The following ARHGAP32 variants were observed in gnomAD, a reference collection of about 807,000 sequenced individuals.
The protein encoded by ARHGAP32 is rho GTPase-activating protein 32.
Under a neutral mutation model 186.5 loss-of-function variants are expected in ARHGAP32, and 51 were observed. The observed-to-expected ratio is 0.27, with a 90% CI of 0.22 to 0.35. The LOEUF (loss-of-function observed/expected upper bound fraction) is 0.35, where lower values mean the gene tolerates loss of function less well. Ranked by LOEUF, ARHGAP32 falls within the 10% of genes least tolerant of loss-of-function variation. The pLI, the probability that ARHGAP32 is intolerant of heterozygous loss-of-function variation, is 1.00. For synonymous variants in ARHGAP32, 950 were observed against 964.3 expected, an observed-to-expected ratio of 0.99 and a Z score of 0.27; for missense variants, 2,186 against 2,623.5, an observed-to-expected ratio of 0.83 and a Z score of 3.64.
At chr11:129,114,049 C>G (rs984041972) in intron 5 of ARHGAP32, among the ~76,000 whole-genome samples, 1 of 152,050 alleles carries the variant, frequency 6.6e-6, no homozygotes, top group Non-Finnish European at 1.5e-5. Flanking sequence ...CTCCCCACTG[C>G]TAATTCCCTG....
At chr11:129,027,624 C>T (rs1938917769) in intron 11 of ARHGAP32, among the ~76,000 whole-genome samples, 1 of 152,174 alleles carries the variant, frequency 6.6e-6, no homozygotes, top group African/African-American at 2.4e-5. Flanking sequence ...CTCCTCATCT[C>T]CTTCAGGTCT....
intron 1 of ARHGAP32, among the ~76,000 whole-genome samples, chr11:129,277,778 T>C (rs568661113): frequency 4.6e-5 from 7 of 152,280 alleles, no homozygotes; most frequent in African/African-American, 1.7e-4. Context: ...AACATCCTAA[T>C]GCCTCATCTT....
chr11:129,190,407 T>C (rs74333562), intron 1 of ARHGAP32, among the ~76,000 whole-genome samples: 3,058 of 152,256 alleles, frequency 0.02, 47 homozygotes, highest in Non-Finnish European at 0.029. Context: ...AAAGATATAA[T>C]TGATTTAGGA....
intron 9 of ARHGAP32, 141 bp from the exon 10 acceptor site, chr11:129,062,498 T>G (rs935771174): frequency 4.9e-5 from 28 of 567,728 alleles, no homozygotes; most frequent in African/African-American, 4.8e-4. Context: ...AAAGTACCAT[T>G]TCTTTTTAAA....
At chr11:129,058,923 T>C (rs1395704878) in intron 10 of ARHGAP32, among the ~76,000 whole-genome samples, 1 of 152,206 alleles carries the variant, frequency 6.6e-6, no homozygotes, top group African/African-American at 2.4e-5. Context: ...GGGGACATCA[T>C]GAACAGTCTG....
At chr11:128,988,173 A>C in intron 12 of ARHGAP32, 48 bp from the exon 13 acceptor site, 1 of 1,398,246 alleles carries the variant, frequency 7.2e-7, no homozygotes, top group Middle Eastern at 1.8e-4. Context: ...TATTCACTGG[A>C]ACCAAAGTTG....
At position 128,974,129 on chromosome 11, in the gene ARHGAP32, T is replaced by C. The variant is rs750284881; in HGVS notation, c.3068A>G (p.Gln1023Arg). Residue 1023 changes from glutamine to arginine, a missense_variant, in exon 21 of 23, where the codon CAG (glutamine) becomes CGG (arginine). Coordinates refer to ENST00000682385, the MANE Select transcript of ARHGAP32 (RefSeq NM_001378024.1). ...TGGAGGAAAACAAACGGTACCTGTCTGAGTCTGTCCAGAAGCTACAGCCTT... is the reference window on the plus strand; with the variant it reads ...TGGAGGAAAACAAACGGTACCTGTCCGAGTCTGTCCAGAAGCTACAGCCTT... ...QSKAVASGQT[Q>R]TGAVTHDPPQ... 1 of 1,614,150 alleles carries C rather than the reference T, an allele frequency of 6.2e-7. No homozygotes were observed. The highest frequency in any genetic ancestry group is 8.5e-7 in the Non-Finnish European group (1 of 1,180,012).
rs972369538 is a variant in ARHGAP32, at chr11:128,969,213, A to T, written c.6000T>A (p.Ser2000Arg). ...GGGTATGATGGAGTTTGAGGCTATG[A>T]CTCCTCTCTGGTTTAGGGGGTGGGA... ...SIVPPPKPERSHSLKLHHTQN... is the reference protein window; with the variant it reads ...SIVPPPKPERRHSLKLHHTQN... Residue 2000 changes from serine to arginine, a missense_variant, in exon 23 of 23, where the codon AGT becomes AGA. Transcript: ENST00000682385. The surrounding 1 kb of genome is among the most constrained non-coding windows in gnomAD (Gnocchi z 4.8). 6 of 1,613,278 alleles carry T rather than the reference A, an allele frequency of 3.7e-6. No individual in the cohort carries two copies. The highest frequency in any genetic ancestry group is 1.3e-5 in the African/African-American group (1 of 74,678).
At chr11:129,178,218 A>G (rs1375958973) in intron 1 of ARHGAP32, among the ~76,000 whole-genome samples, 1 of 152,124 alleles carries the variant, frequency 6.6e-6, no homozygotes, top group Non-Finnish European at 1.5e-5. Flanking sequence ...TAAAATACCT[A>G]GGAATCCAAC....
intron 1 of ARHGAP32, among the ~76,000 whole-genome samples, chr11:129,264,074 C>T (rs936625330): frequency 6.6e-6 from 1 of 152,202 alleles, no homozygotes; most frequent in Non-Finnish European, 1.5e-5. Flanking sequence ...GAAGGAAATC[C>T]TTCCGCATGC....
In ARHGAP32 at chr11:128,974,444, G is replaced by A. The variant is rs547435804; in HGVS notation, c.2753C>T (p.Ser918Phe). 6.2e-7 allele frequency: 1 copy of A among 1,614,206 alleles called. No homozygotes were observed. Among genetic ancestry groups the A allele is most frequent in the African/African-American group, 1.3e-5 (1 of 75,050 alleles). The change falls in exon 21 of 23, where the codon TCT becomes TTT. Residue 918 changes from serine (S) to phenylalanine (F), a missense_variant. Coordinates refer to ENST00000682385, the MANE Select transcript of ARHGAP32 (RefSeq NM_001378024.1). The part of the protein sequence containing the change: ...KIGRKLSKSP[S>F]MSISEPISVT... The stretch of plus-strand genomic sequence containing the variant: ...TGAAATTGGCTCAGATATGCTCATA[G>A]AAGGTGATTTGCTTAATTTCCGTCC...
rs2136049174 is a variant in ARHGAP32, at chr11:128,966,943, G to C, written c.*1964C>G. ...GCACCCAGGGTGTTTTTGTGCCAAA[G>C]GGAAGTATCCTATCAGGTTTCCTAG... On this transcript the variant is annotated 3_prime_UTR_variant, in exon 23 of 23. Transcript: ENST00000682385. 2.0e-5 allele frequency: 3 copies of C among 152,316 alleles called. 1 individual carries two copies. The South Asian group carries it at 6.2e-4, about 32-fold the overall frequency. 9.4% of individuals were successfully genotyped at this position (152,316 alleles called of 1,614,324 possible).
Position 129,256,087 on chromosome 11 carries a change from A to G in ARHGAP32, c.-5+23059T>C, listed in dbSNP as rs1023543289. On this transcript the variant is annotated intron_variant, in intron 1 of 6. Transcript: ENST00000525234. ...AGCAAAAGACACCAGAGACAAAAGA[A>G]TATGTTCTGCGCAATTCCAGCATAT... 2.6e-5 allele frequency among the ~76,000 whole-genome samples: 4 copies of G among 152,136 alleles called. No homozygotes were observed. The East Asian group carries it at 5.8e-4, about 22-fold the overall frequency.
intron 1 of ARHGAP32, among the ~76,000 whole-genome samples, chr11:129,275,578 C>T (rs1228215559): frequency 6.6e-6 from 1 of 152,108 alleles, no homozygotes; most frequent in Non-Finnish European, 1.5e-5. Context: ...AAAGTTAAGT[C>T]CTAAATCGGG....
At chr11:129,272,578 G>A (rs1214489799) in intron 1 of ARHGAP32, among the ~76,000 whole-genome samples, 1 of 152,222 alleles carries the variant, frequency 6.6e-6, no homozygotes, top group Non-Finnish European at 1.5e-5. Context: ...GGGCCAACAT[G>A]TGCCCAGATA....
intron 1 of ARHGAP32, among the ~76,000 whole-genome samples, chr11:129,213,057 CACAAAAACTT>C (rs1944600680): frequency 6.6e-6 from 1 of 152,042 alleles, no homozygotes; most frequent in Non-Finnish European, 1.5e-5. Context: ...TTCTCCAAAC[CACAAAAACTT>C]ATCTTTCATA....
At chr11:129,079,089 A>C (rs1941142816) in intron 6 of ARHGAP32, among the ~76,000 whole-genome samples, 1 of 152,178 alleles carries the variant, frequency 6.6e-6, no homozygotes. Context: ...AAAATGAACA[A>C]AGCCTTCAAG....
At chr11:129,068,638 T>C (rs896757404) in intron 6 of ARHGAP32, among the ~76,000 whole-genome samples, 9 of 152,088 alleles carry the variant, frequency 5.9e-5, no homozygotes, top group Non-Finnish European at 1.0e-4. Flanking sequence ...TTACATTCCC[T>C]TGATTATGAG....
chr11:128,989,797 G>A (rs1291506206), intron 12 of ARHGAP32, among the ~76,000 whole-genome samples: 1 of 151,670 alleles, frequency 6.6e-6, no homozygotes, highest in African/African-American at 2.4e-5. Flanking sequence ...ACTTATGAGT[G>A]AGAACATGTG....
Sources: allele counts gnomAD v4.1 joint callset (sites outside exome capture counted in the v4.1 genomes callset), GRCh38; gene constraint gnomAD v4.1.1; non-coding constraint Gnocchi (gnomAD v3.1); transcripts MANE v1.5; gene names NCBI Gene and HGNC (gene_info 2026-07-23, HGNC 2026-07-21).